KIR2DL1: variants seen among roughly 807,000 people sequenced by gnomAD.
KIR2DL1 encodes the protein killer cell immunoglobulin-like receptor 2DL1.
In KIR2DL1, 38 loss-of-function variants were observed where a neutral mutation model predicts 33.9. The ratio of observed to expected loss-of-function variants is 1.12; its 90% CI spans 0.86 to 1.47. The LOEUF is 1.47. Among genes scored for constraint, KIR2DL1 ranks in the 40% most tolerant of loss-of-function variants. The pLI, the probability that KIR2DL1 is intolerant of heterozygous loss-of-function variation, is 0.00. For missense variants in KIR2DL1, 531 were observed against 433.9 expected (o/e 1.22, Z -1.99); for synonymous variants, 179 against 165.9 (o/e 1.08, Z -0.61).
At chr19:54,779,069 G>A (rs796955965) in intron 5 of KIR2DL1, among the ~76,000 whole-genome samples, 40 of 147,476 alleles carry the variant, frequency 2.7e-4, no homozygotes, top group African/African-American at 8.4e-4. Flanking sequence ...AGGTCATGAA[G>A]CAACCCTGGC....
intron 5 of KIR2DL1, among the ~76,000 whole-genome samples, chr19:54,782,549 T>C (rs2077108612): frequency 6.6e-6 from 1 of 151,848 alleles, no homozygotes; most frequent in African/African-American, 2.4e-5. Context: ...AACAACCAGC[T>C]CTCCGGGAAC....
intron 5 of KIR2DL1, 119 bp from the exon 6 acceptor site, chr19:54,782,803 C>A (rs542142407): frequency 2.8e-6 from 3 of 1,074,942 alleles, no homozygotes; most frequent in South Asian, 2.5e-5. Context: ...CTCCTGCCAT[C>A]TGGGTGCTTG....
At chr19:54,771,215 A>C (rs1184686832) in intron 2 of KIR2DL1, among the ~76,000 whole-genome samples, 1 of 148,468 alleles carries the variant, frequency 6.7e-6, no homozygotes, top group African/African-American at 2.5e-5. Flanking sequence ...CTGTCATTCT[A>C]CCAGAAGAGG....
Position 54,773,357 on chromosome 19 carries a change from T to A in KIR2DL1, c.95T>A (p.Leu32Gln). 6.3e-7 allele frequency: 1 copy of A among 1,599,376 alleles called. No homozygotes were observed. Among genetic ancestry groups the A allele is most frequent in the South Asian group, 1.1e-5 (1 of 90,534 alleles). ...GGAGTCCACAGAAAACCTTCCCTCC[T>A]GGCCCACCCAGGTCGCCTGGTGAAA... is the stretch of plus-strand genomic sequence containing the variant. ...HEGVHRKPSL[L>Q]AHPGRLVKSE... Residue 32 changes from leucine (L) to glutamine (Q), a missense_variant, in exon 3 of 8, where the codon CTG becomes CAG. Leu to Gln is a moderately radical substitution (Grantham distance 113). Coordinates refer to ENST00000336077, the MANE Select transcript of KIR2DL1 (RefSeq NM_014218.3).
At position 54,775,708 on chromosome 19, in the gene KIR2DL1, G is replaced by A. The variant is rs1389372106; in HGVS notation, c.664+250G>A. 8.7e-5 allele frequency among the ~76,000 whole-genome samples: 13 copies of A among 148,766 alleles called. No homozygotes were observed. In the East Asian group the frequency reaches 1.4e-3, roughly 16 times the overall value. Reference sequence around the variant, plus strand: ...GAAAGCGGTCAGGAGAGACCCAGAGGAGGGAGACTGGGCTCAGTTTGGGGA... The same window carrying A: ...GAAAGCGGTCAGGAGAGACCCAGAGAAGGGAGACTGGGCTCAGTTTGGGGA... On this transcript the variant is annotated intron_variant, in intron 4 of 7. Transcript: ENST00000336077.
rs2076210798 is a variant in KIR2DL1, at chr19:54,775,396, C to A, written c.602C>A (p.Ser201Tyr). The A allele has an allele frequency of 3.2e-6, 5 of 1,584,060 alleles. No individual in the cohort carries two copies. The South Asian group carries it at 5.6e-5, about 18-fold the overall frequency. Residue 201 changes from serine (S) to tyrosine (Y), a missense_variant, in exon 4 of 8, where the codon TCT (serine) becomes TAT (tyrosine). Ser to Tyr is a moderately radical substitution (Grantham distance 144). Transcript: ENST00000336077. Reference protein sequence around the residue: ...THGGTYRCFGSFHDSPYEWSK... With the variant: ...THGGTYRCFGYFHDSPYEWSK... ...GGAGGGACCTACAGATGCTTCGGCT[C>A]TTTCCATGACTCTCCATACGAGTGG...
chr19:54,777,659 A>C (rs2076506195), intron 4 of KIR2DL1, among the ~76,000 whole-genome samples: 1 of 145,056 alleles, frequency 6.9e-6, no homozygotes, highest in Non-Finnish European at 1.5e-5. Context: ...AGCAGTGCTG[A>C]AGTTGCTTAG....
chr19:54,776,960 G>T (rs1315913391), intron 4 of KIR2DL1, among the ~76,000 whole-genome samples: 1 of 149,564 alleles, frequency 6.7e-6, no homozygotes, highest in African/African-American at 2.5e-5. Context: ...GTTCTTTAAA[G>T]GACTTCCATA....
chr19:54,783,206 C>T (rs1249136401), intron 6 of KIR2DL1, among the ~76,000 whole-genome samples, 183 bp downstream of exon 6: 2 of 151,566 alleles, frequency 1.3e-5, no homozygotes, highest in Non-Finnish European at 2.9e-5. Flanking sequence ...CAGACCGTTG[C>T]CTGATTCTGA....
At chr19:54,771,703 T>G (rs374263341) in intron 2 of KIR2DL1, among the ~76,000 whole-genome samples, 3 of 148,234 alleles carry the variant, frequency 2.0e-5, no homozygotes, top group Non-Finnish European at 3.0e-5. Context: ...ATCTTGGGTT[T>G]AACAACTTCA....
At position 54,783,588 on chromosome 19, in the gene KIR2DL1, C is replaced by T; in HGVS notation, c.871-49C>T. The T allele has an allele frequency of 1.9e-6, 3 of 1,613,942 alleles. No individual in the cohort carries two copies. The South Asian group carries it at 3.3e-5, about 18-fold the overall frequency. ...GTGGCTACTGTTATTCCCAAAGAGT[C>T]CTGGAAAATGTGAGCACCCTCCCTC... is the stretch of plus-strand genomic sequence containing the variant. On this transcript the variant is annotated intron_variant, in intron 7 of 7. Coordinates refer to ENST00000336077, the MANE Select transcript of KIR2DL1 (RefSeq NM_014218.3).
At position 54,781,768 on chromosome 19, in the gene KIR2DL1, C is replaced by G. The variant is rs894931886; in HGVS notation, c.716-1154C>G. Among the ~76,000 whole-genome samples the G allele has an allele frequency of 6.6e-5, 10 of 152,168 alleles. No individual in the cohort carries two copies. The East Asian group carries it at 1.7e-3, about 26-fold the overall frequency. On this transcript the variant is annotated intron_variant, in intron 5 of 7. Coordinates refer to ENST00000336077, the MANE Select transcript of KIR2DL1 (RefSeq NM_014218.3). ...CCTGGCCGTTTGACATAAGAGAATTCTATTTCGCTTTTTTTATCTTGATTT... is the reference window on the plus strand; with the variant it reads ...CCTGGCCGTTTGACATAAGAGAATTGTATTTCGCTTTTTTTATCTTGATTT...
At chr19:54,773,117 G>T (rs1477112638) in intron 2 of KIR2DL1, among the ~76,000 whole-genome samples, 1 of 148,444 alleles carries the variant, frequency 6.7e-6, no homozygotes, top group African/African-American at 2.5e-5. Context: ...CAGCGGCAAG[G>T]GAATCAGAGG....
In KIR2DL1 at chr19:54,783,740, C is replaced by G. The variant is rs1326332881; in HGVS notation, c.974C>G (p.Pro325Arg). ...CGCCCTTCTCAGAGGCCCAAGACAC[C>G]CCCAACAGATATCATCGTGTACACG... is the stretch of plus-strand genomic sequence containing the variant. ...ITRPSQRPKT[P>R]PTDIIVYTEL... is the part of the protein sequence containing the mutation. Residue 325 changes from proline (P) to arginine (R), a missense_variant, in exon 8 of 8, where the codon CCC becomes CGC. Coordinates refer to ENST00000336077, the MANE Select transcript of KIR2DL1 (RefSeq NM_014218.3). 2 of 1,613,982 alleles carry G rather than the reference C, an allele frequency of 1.2e-6. No individual in the cohort carries two copies.
chr19:54,770,790 C>A (rs1406765862), intron 1 of KIR2DL1, 59 bp from the exon 2 acceptor site: 6 of 1,567,632 alleles, frequency 3.8e-6, no homozygotes, highest in Non-Finnish European at 4.4e-6. Context: ...CCAGTGGGGG[C>A]AGCAAGGGTG....
rs2147404926 is a variant in KIR2DL1, at chr19:54,770,841, C to T, written c.35-8C>T. On this transcript the variant is annotated splice_region_variant and splice_polypyrimidine_tract_variant and intron_variant, in intron 1 of 7. Transcript: ENST00000336077. ...AGATGGGTCATCCATCATGATCTTT[C>T]TTTCCAGGGTTCTTCTTGCTGCAGG... The T allele has an allele frequency of 2.5e-6, 4 of 1,584,536 alleles. No individual in the cohort carries two copies. In the South Asian group the frequency reaches 4.4e-5, roughly 18 times the overall value.
chr19:54,778,805 G>C, intron 5 of KIR2DL1, 143 bp downstream of exon 5: 1 of 1,086,552 alleles, frequency 9.2e-7, no homozygotes, highest in Non-Finnish European at 1.4e-6. Flanking sequence ...CTCCTACAGC[G>C]AAAGGGATCT....
chr19:54,781,356 T>C (rs2966886), intron 5 of KIR2DL1, among the ~76,000 whole-genome samples: 14,920 of 141,498 alleles, frequency 0.11, 1 homozygote, highest in South Asian at 0.18. Flanking sequence ...CATGAGATCA[T>C]ATAGAAAATG....
chr19:54,773,280 T>C lies in KIR2DL1; in HGVS notation c.71-53T>C. 10 of 1,520,902 alleles carry C rather than the reference T, an allele frequency of 6.6e-6. 1 individual carries two copies. Among genetic ancestry groups the C allele is most frequent in the Non-Finnish European group, 9.0e-6 (10 of 1,113,086 alleles). The allele number at this position is 1,520,902 out of a possible 1,614,324, so 94.2% of individuals were successfully genotyped here. ...GAAGCCTGACTCAATCCAGGTGCCA[T>C]GGATGGGATGATAAAGAGAGACACC... On this transcript the variant is annotated intron_variant, in intron 2 of 7. Coordinates refer to ENST00000336077, the MANE Select transcript of KIR2DL1 (RefSeq NM_014218.3).
Sources: allele counts gnomAD v4.1 joint callset (sites outside exome capture counted in the v4.1 genomes callset), GRCh38; gene constraint gnomAD v4.1.1; transcripts MANE v1.5; gene names NCBI Gene and HGNC (gene_info 2026-07-23, HGNC 2026-07-21).